Variants in MAST4 observed in about 807,000 individuals in gnomAD.
MAST4 encodes the protein microtubule-associated serine/threonine-protein kinase 4.
In MAST4, 89 loss-of-function variants were observed where a neutral mutation model predicts 162.7. The ratio of observed to expected loss-of-function variants is 0.55; its 90% CI spans 0.46 to 0.65. The LOEUF (loss-of-function observed/expected upper bound fraction) is 0.65. Among genes scored for constraint, MAST4 ranks in the 30% least tolerant of loss-of-function variants. The pLI is 0.00. For missense variants in MAST4, 3,153 were observed against 3,374.0 expected, an observed-to-expected ratio of 0.93 and a Z score of 1.62; for synonymous variants, 1,479 against 1,361.1, an observed-to-expected ratio of 1.09 and a Z score of -1.91.
chr5:67,134,570 G>A lies in MAST4; in HGVS notation c.2274G>A (p.Gln758=). 1 of 1,613,726 alleles carries A rather than the reference G, an allele frequency of 6.2e-7. No individual in the cohort carries two copies. The highest frequency in any genetic ancestry group is 8.5e-7 in the Non-Finnish European group (1 of 1,179,704). The change falls in exon 18 of 29, where the codon CAG becomes CAA. Residue 758 remains glutamine (Q), a synonymous_variant. Coordinates refer to ENST00000403625, the MANE Select transcript of MAST4 (RefSeq NM_001164664.2). ...EYIAPEVILR[Q]GYGKPVDWWA... Reference sequence around the variant, plus strand: ...TTGCACCAGAAGTGATTCTGAGGCAGGGTTATGGAAAGCCGGTGGACTGGT... The same window carrying A: ...TTGCACCAGAAGTGATTCTGAGGCAAGGTTATGGAAAGCCGGTGGACTGGT...
chr5:67,167,054 G>C lies in MAST4; in HGVS notation c.*3G>C. On this transcript the variant is annotated 3_prime_UTR_variant, in exon 29 of 29. Coordinates refer to ENST00000403625, the MANE Select transcript of MAST4 (RefSeq NM_001164664.2). ...GCCCTCACAAAAAGGCCTTGTAACGGGGAGGGCCCAGGGGCAGGACTGTGG... is the reference window on the plus strand; with the variant it reads ...GCCCTCACAAAAAGGCCTTGTAACGCGGAGGGCCCAGGGGCAGGACTGTGG... 7 of 1,574,554 alleles carry C rather than the reference G, an allele frequency of 4.4e-6. No homozygotes were observed. Among genetic ancestry groups the C allele is most frequent in the Non-Finnish European group, 6.0e-6 (7 of 1,159,928 alleles).
intron 1 of MAST4, among the ~76,000 whole-genome samples, chr5:66,629,409 C>G (rs946798560): frequency 2.0e-5 from 3 of 152,166 alleles, no homozygotes; most frequent in African/African-American, 7.2e-5. Flanking sequence ...CTTGGCCTCT[C>G]CCTTTGGAAG....
intron 4 of MAST4, among the ~76,000 whole-genome samples, chr5:66,971,087 A>C (rs1334420163): frequency 6.6e-6 from 1 of 152,038 alleles, no homozygotes; most frequent in Non-Finnish European, 1.5e-5. Context: ...ATTTGTGGTC[A>C]TTTTCATTTG....
chr5:66,867,489 C>A (rs912813171), intron 3 of MAST4, among the ~76,000 whole-genome samples: 2 of 152,178 alleles, frequency 1.3e-5, no homozygotes, highest in African/African-American at 4.8e-5. Context: ...TTTATAATTT[C>A]TAAAATGACT....
chr5:66,863,595 C>T (rs771148925), intron 3 of MAST4, among the ~76,000 whole-genome samples: 67 of 152,136 alleles, frequency 4.4e-4, no homozygotes, highest in Admixed American at 7.9e-4. Context: ...CTTCCCTCTG[C>T]ACCCTTTCTT....
intron 1 of MAST4, among the ~76,000 whole-genome samples, chr5:66,692,410 T>TC (rs1749101832): frequency 9.3e-6 from 1 of 108,048 alleles, no homozygotes; most frequent in South Asian, 3.9e-4. Context: ...TCTCTTGCTC[T>TC]CTTTTTTTTT....
intron 5 of MAST4, among the ~76,000 whole-genome samples, chr5:67,089,896 A>T (rs114032964): frequency 1.4e-3 from 209 of 152,278 alleles, no homozygotes; most frequent in African/African-American, 4.5e-3. Context: ...ATCTCCATGC[A>T]GGACTCCTGG....
intron 1 of MAST4, among the ~76,000 whole-genome samples, chr5:66,696,043 T>C (rs187321255): frequency 4.7e-4 from 71 of 152,322 alleles, no homozygotes; most frequent in African/African-American, 1.5e-3. Flanking sequence ...TGAGATCATG[T>C]TCTTTGCAGG....
intron 5 of MAST4, among the ~76,000 whole-genome samples, chr5:67,085,686 TCCACTGA>T (rs570385301): frequency 2.0e-5 from 3 of 152,316 alleles, no homozygotes; most frequent in African/African-American, 7.2e-5. Context: ...CCCAGAGAAT[TCCACTGA>T]CGGCCAATCA....
At chr5:66,776,982 G>A (rs184775333) in intron 2 of MAST4, among the ~76,000 whole-genome samples, 8 of 152,282 alleles carry the variant, frequency 5.3e-5, no homozygotes, top group Non-Finnish European at 1.0e-4. Context: ...GCATCCTGGA[G>A]GGGGACCTGA....
In MAST4 at chr5:66,828,869, G is replaced by A. The variant is rs747442997; in HGVS notation, c.642+40075G>A. 20 of 1,605,314 alleles carry A rather than the reference G, an allele frequency of 1.2e-5. No individual in the cohort carries two copies. The Admixed American group carries it at 1.5e-4, about 12-fold the overall frequency. On this transcript the variant is annotated intron_variant, in intron 3 of 28. Transcript: ENST00000403625. Reference sequence around the variant, plus strand: ...ATGGATGAGTCCAGCATTCTAAGACGAAGAGGGCTCCAGGTAGGAGACTGC... The same window carrying A: ...ATGGATGAGTCCAGCATTCTAAGACAAAGAGGGCTCCAGGTAGGAGACTGC...
rs533171566 is a variant in MAST4, at chr5:66,723,487, C to G, written c.364-36222C>G. 2.0e-5 allele frequency among the ~76,000 whole-genome samples: 3 copies of G among 152,290 alleles called. No individual in the cohort carries two copies. The East Asian group carries it at 5.8e-4, about 29-fold the overall frequency. On this transcript the variant is annotated intron_variant, in intron 1 of 28. Coordinates refer to ENST00000403625, the MANE Select transcript of MAST4 (RefSeq NM_001164664.2). ...TATGGAACTGCTGACTTTGCCCTTT[C>G]AGAAGGCTTCCTTCTGGAATTTTTA...
At chr5:66,625,008 G>A (rs562342023) in intron 1 of MAST4, among the ~76,000 whole-genome samples, 30 of 151,812 alleles carry the variant, frequency 2.0e-4, no homozygotes, top group Admixed American at 5.3e-4. Context: ...AAGCTTCGTC[G>A]TAGCAAAGGA....
intron 1 of MAST4, among the ~76,000 whole-genome samples, chr5:66,750,056 T>A (rs1433710975): frequency 6.6e-6 from 1 of 152,244 alleles, no homozygotes; most frequent in Non-Finnish European, 1.5e-5. Context: ...TAATCTATTT[T>A]CATATCTTTG....
intron 4 of MAST4, among the ~76,000 whole-genome samples, chr5:67,000,236 A>G (rs2150312301): frequency 6.6e-6 from 1 of 152,342 alleles, no homozygotes; most frequent in East Asian, 1.9e-4. Context: ...AATCCTTAGA[A>G]TAGGCCAGGA....
intron 3 of MAST4, among the ~76,000 whole-genome samples, chr5:66,858,245 T>G (rs923541091): frequency 6.6e-6 from 1 of 152,200 alleles, no homozygotes; most frequent in Non-Finnish European, 1.5e-5. Flanking sequence ...GCTCAAGTGA[T>G]CCTCCCGCCT....
At chr5:66,910,255 C>T (rs1272812484) in intron 4 of MAST4, among the ~76,000 whole-genome samples, 39 of 152,292 alleles carry the variant, frequency 2.6e-4, no homozygotes, top group Non-Finnish European at 4.4e-5. Context: ...AACCTGCAGC[C>T]ACACACCCAG....
chr5:67,064,306 C>T (rs778917401), intron 5 of MAST4, among the ~76,000 whole-genome samples: 15 of 152,126 alleles, frequency 9.9e-5, no homozygotes, highest in Admixed American at 1.3e-4. Flanking sequence ...CAAGAGCAGA[C>T]GGGTGCCCAC....
intron 3 of MAST4, among the ~76,000 whole-genome samples, chr5:66,804,079 A>G (rs912065589): frequency 2.6e-5 from 4 of 152,164 alleles, no homozygotes; most frequent in Admixed American, 1.3e-4. Flanking sequence ...ATACAACATT[A>G]TCGTGACAAA....
Sources: gnomAD v4.1 joint callset for allele counts (sites outside exome capture counted in the v4.1 genomes callset) on GRCh38, gnomAD v4.1.1 for gene constraint, MANE v1.5 for transcripts, NCBI Gene and HGNC (gene_info 2026-07-23, HGNC 2026-07-21) for gene names.